SHLD1: variants seen among roughly 807,000 people sequenced by gnomAD.
SHLD1 encodes shieldin complex subunit 1, also known as RINN1-REV7-interacting novel NHEJ regulator 3.
SHLD1 carries 3 observed loss-of-function variants against 5.5 expected under a neutral mutation model. The ratio of observed to expected loss-of-function variants is 0.54; its 90% CI spans 0.25 to 1.40. The LOEUF is 1.40. SHLD1 is among the 40% of genes most tolerant of loss of function. The probability of loss-of-function intolerance (pLI) is 0.15; values close to 1 mark genes in which losing one functional copy is unlikely to be tolerated. For synonymous variants in SHLD1, 92 were observed against 94.3 expected (o/e 0.98, Z 0.14); for missense variants, 210 against 244.4 (o/e 0.86, Z 0.94).
intron 2 of SHLD1, among the ~76,000 whole-genome samples, chr20:5,801,790 CG>C (rs1391158793): frequency 6.6e-6 from 1 of 152,112 alleles, no homozygotes; most frequent in Non-Finnish European, 1.5e-5. Context: ...TTGATTCCCC[CG>C]CCCCCCGTAT....
At chr20:5,820,152 T>G (rs1490597629) in intron 2 of SHLD1, among the ~76,000 whole-genome samples, 1 of 152,196 alleles carries the variant, frequency 6.6e-6, no homozygotes, top group East Asian at 1.9e-4. Flanking sequence ...TTCACCATGT[T>G]GGTTGTCCAG....
At chr20:5,762,050 A>G (rs1600092699) in intron 1 of SHLD1, among the ~76,000 whole-genome samples, 1 of 151,404 alleles carries the variant, frequency 6.6e-6, no homozygotes, top group East Asian at 2.0e-4. Flanking sequence ...TCAGGAGTTC[A>G]AGACCAGCCT....
At chr20:5,786,564 G>T (rs2122290472) in intron 2 of SHLD1, among the ~76,000 whole-genome samples, 1 of 150,974 alleles carries the variant, frequency 6.6e-6, no homozygotes, top group Non-Finnish European at 1.5e-5. Context: ...GACAGAATGA[G>T]ACCTCATCTC....
intron 1 of SHLD1, among the ~76,000 whole-genome samples, chr20:5,766,298 C>T (rs1984825716): frequency 6.6e-6 from 1 of 152,206 alleles, no homozygotes; most frequent in Admixed American, 6.5e-5. Context: ...TCTTTAGGAA[C>T]CTTGATCACT....
chr20:5,774,208 C>T (rs1171506716), intron 2 of SHLD1, among the ~76,000 whole-genome samples: 1 of 151,682 alleles, frequency 6.6e-6, no homozygotes, highest in Non-Finnish European at 1.5e-5. Flanking sequence ...TGTCTCAAAA[C>T]AAAAAACAAA....
chr20:5,828,362 T>C (rs1326787176), intron 2 of SHLD1, among the ~76,000 whole-genome samples: 1 of 152,184 alleles, frequency 6.6e-6, no homozygotes, highest in African/African-American at 2.4e-5. Context: ...TGAATAAATA[T>C]GTTGGTCATA....
At chr20:5,779,445 T>TA (rs1412883398) in intron 2 of SHLD1, among the ~76,000 whole-genome samples, 7 of 152,224 alleles carry the variant, frequency 4.6e-5, no homozygotes, top group African/African-American at 1.7e-4. Flanking sequence ...TAGCTGTAGT[T>TA]ACGGGTTCTC....
chr20:5,777,057 C>A (rs1315622958), intron 2 of SHLD1, among the ~76,000 whole-genome samples: 5 of 152,106 alleles, frequency 3.3e-5, no homozygotes, highest in African/African-American at 1.2e-4. Flanking sequence ...GGCACAATCT[C>A]GGCTCACTGC....
chr20:5,791,786 G>C (rs6053701), intron 2 of SHLD1, among the ~76,000 whole-genome samples: 1 of 151,794 alleles, frequency 6.6e-6, no homozygotes, highest in South Asian at 2.1e-4. Flanking sequence ...CTCAAAACTC[G>C]ACTCTCAAAA....
chr20:5,841,181 G>T (rs990161980), intron 2 of SHLD1, among the ~76,000 whole-genome samples: 1 of 150,966 alleles, frequency 6.6e-6, no homozygotes, highest in Non-Finnish European at 1.5e-5. Flanking sequence ...GTGTGTGTGT[G>T]TGTGTGTGTG....
chr20:5,860,876 T>TAAAAAAA (rs10555301), intron 2 of SHLD1, among the ~76,000 whole-genome samples: 24 of 100,782 alleles, frequency 2.4e-4, no homozygotes, highest in Non-Finnish European at 4.0e-4. Context: ...TACTATTCTT[T>TAAAAAAA]AAAAAAAAAA....
At chr20:5,781,313 G>T (rs1482467670) in intron 2 of SHLD1, among the ~76,000 whole-genome samples, 1 of 152,114 alleles carries the variant, frequency 6.6e-6, no homozygotes, top group South Asian at 2.1e-4. Flanking sequence ...TGGGAGGATT[G>T]CTTGAGCCCA....
chr20:5,843,001 G>A (rs908950588), intron 2 of SHLD1, among the ~76,000 whole-genome samples: 5 of 152,126 alleles, frequency 3.3e-5, no homozygotes, highest in Admixed American at 2.6e-4. Flanking sequence ...GCCACCATGG[G>A]CCTTGTTTGC....
At chr20:5,789,089 C>G (rs1411599112) in intron 2 of SHLD1, among the ~76,000 whole-genome samples, 1 of 151,302 alleles carries the variant, frequency 6.6e-6, no homozygotes, top group African/African-American at 2.4e-5. Flanking sequence ...GATCGAGCCA[C>G]TGCACTCCAG....
chr20:5,834,903 G>C (rs1490050612), intron 2 of SHLD1, among the ~76,000 whole-genome samples: 2 of 152,210 alleles, frequency 1.3e-5, no homozygotes, highest in East Asian at 3.9e-4. Flanking sequence ...GGGGCTTTCT[G>C]GGGTCTCCTT....
intron 2 of SHLD1, among the ~76,000 whole-genome samples, chr20:5,816,370 C>A (rs546169018): frequency 3.0e-4 from 45 of 152,198 alleles, no homozygotes; most frequent in African/African-American, 1.1e-3. Context: ...AGTTCTACTG[C>A]GTATATTCGG....
chr20:5,831,765 A>G (rs947209733), intron 2 of SHLD1, among the ~76,000 whole-genome samples: 4 of 152,100 alleles, frequency 2.6e-5, no homozygotes, highest in African/African-American at 9.7e-5. Flanking sequence ...TCTTGTTTAC[A>G]TGTTCATTGT....
intron 2 of SHLD1, among the ~76,000 whole-genome samples, chr20:5,850,914 A>G (rs752144879): frequency 3.3e-5 from 5 of 152,202 alleles, no homozygotes; most frequent in Non-Finnish European, 5.9e-5. Flanking sequence ...TCGATGCTCC[A>G]TAATTATTGA....
At chr20:5,825,065 G>A (rs979967399) in intron 2 of SHLD1, among the ~76,000 whole-genome samples, 1 of 152,226 alleles carries the variant, frequency 6.6e-6, no homozygotes, top group Non-Finnish European at 1.5e-5. Context: ...TTCAGCCTTT[G>A]TTGGTTTCTA....
Sources: allele counts gnomAD v4.1 joint callset (sites outside exome capture counted in the v4.1 genomes callset), GRCh38; gene constraint gnomAD v4.1.1; transcripts MANE v1.5; gene names NCBI Gene and HGNC (gene_info 2026-07-23, HGNC 2026-07-21).